DISP1: variants seen among roughly 807,000 people sequenced by gnomAD.
The protein encoded by DISP1 is dispatched RND transporter family member 1.
DISP1 carries 30 observed loss-of-function variants against 37.3 expected under a neutral mutation model. That is an observed-to-expected ratio of 0.80 (90% confidence interval 0.60 to 1.09). DISP1 has a LOEUF of 1.09. Ranked by LOEUF, DISP1 falls within the 50% of genes least tolerant of loss-of-function variation. DISP1 has a pLI of 0.00. For missense variants in DISP1, 1,598 were observed against 1,879.5 expected, an observed-to-expected ratio of 0.85 and a Z score of 2.77; for synonymous variants, 634 against 690.2, an observed-to-expected ratio of 0.92 and a Z score of 1.28.
Position 222,921,390 on chromosome 1 carries a change from A to AT in DISP1, c.-158-7031dup, listed in dbSNP as rs1053610733. On this transcript the variant is annotated intron_variant, in intron 1 of 8. Coordinates refer to ENST00000675850, the MANE Select transcript of DISP1 (RefSeq NM_001377229.1). ...GACTCACTATAAGTGAAAACTCTTT[A>AT]TTTTTTTTTCCTTGTTTAAAAATAT... 7.3e-5 allele frequency among the ~76,000 whole-genome samples: 11 copies of AT among 151,678 alleles called. No homozygotes were observed. The East Asian group carries it at 1.2e-3, about 16-fold the overall frequency.
At position 222,957,453 on chromosome 1, in the gene DISP1, G is replaced by C. The variant is rs866715617; in HGVS notation, c.509+14121G>C. Among the ~76,000 whole-genome samples, 34 of 152,162 alleles carry C rather than the reference G, an allele frequency of 2.2e-4. 1 individual carries two copies. The highest frequency in any genetic ancestry group is 8.2e-4 in the African/African-American group (34 of 41,444). ...AAAATACAAAAATTAGCCAGGCGCA[G>C]TGGTGGACACCTGTAATTCCAGCTA... On this transcript the variant is annotated intron_variant, in intron 3 of 8. Coordinates refer to ENST00000675850, the MANE Select transcript of DISP1 (RefSeq NM_001377229.1).
At chr1:222,946,872 G>A (rs1241443183) in intron 3 of DISP1, among the ~76,000 whole-genome samples, 1 of 152,170 alleles carries the variant, frequency 6.6e-6, no homozygotes, top group Non-Finnish European at 1.5e-5. Context: ...GTGGAAGAGA[G>A]AGTGGTAGCA....
At chr1:222,864,247 A>G (rs1265233043) in intron 1 of DISP1, among the ~76,000 whole-genome samples, 1 of 152,200 alleles carries the variant, frequency 6.6e-6, no homozygotes, top group Admixed American at 6.5e-5. Flanking sequence ...TATCCCAAGT[A>G]TCTTGTTCAA....
At chr1:222,950,599 CAAA>C (rs146782736) in intron 3 of DISP1, among the ~76,000 whole-genome samples, 1 of 137,876 alleles carries the variant, frequency 7.3e-6, no homozygotes, top group Non-Finnish European at 1.6e-5. Context: ...GACTCCGTCT[CAAA>C]AAAAAAAAAC....
At chr1:222,851,758 A>G (rs1668248648) in intron 1 of DISP1, among the ~76,000 whole-genome samples, 2 of 151,592 alleles carry the variant, frequency 1.3e-5, no homozygotes, top group Non-Finnish European at 2.9e-5. Context: ...AGCTCAATTT[A>G]AAACAAGGTA....
intron 2 of DISP1, among the ~76,000 whole-genome samples, chr1:222,934,335 G>A (rs1446086373): frequency 2.0e-5 from 3 of 152,020 alleles, no homozygotes; most frequent in African/African-American, 4.8e-5. Context: ...TGTGAAAAAA[G>A]GGGCTTGACA....
intron 3 of DISP1, among the ~76,000 whole-genome samples, chr1:222,957,501 A>G (rs1226115493): frequency 6.6e-6 from 1 of 152,172 alleles, no homozygotes; most frequent in Non-Finnish European, 1.5e-5. Flanking sequence ...AGGCAGGAGA[A>G]TTGCTTGAAC....
chr1:222,990,132 G>A lies in DISP1; in HGVS notation c.540-493G>A, dbSNP rs1332354021. On this transcript the variant is annotated intron_variant, in intron 4 of 8. Transcript: ENST00000675850. ...TTTGGTTATTTTTAAGATCTGAACT[G>A]TATGAACCTGTTTATAGACTCTCAC... 3.9e-5 allele frequency among the ~76,000 whole-genome samples: 6 copies of A among 152,266 alleles called. 1 individual carries two copies. In the East Asian group the frequency reaches 7.7e-4, roughly 20 times the overall value.
chr1:222,826,589 A>G (rs184312626), intron 1 of DISP1, among the ~76,000 whole-genome samples: 4 of 151,688 alleles, frequency 2.6e-5, no homozygotes, highest in Middle Eastern at 3.4e-3. Context: ...GGGTTCTACT[A>G]TGTTGCCCAG....
chr1:222,914,876 A>G (rs1053890264), intron 1 of DISP1, among the ~76,000 whole-genome samples: 3 of 152,110 alleles, frequency 2.0e-5, no homozygotes, highest in East Asian at 3.8e-4. Context: ...CTGAGGCAGG[A>G]GGATTGGTTG....
At chr1:222,867,390 T>C (rs886121148) in intron 1 of DISP1, among the ~76,000 whole-genome samples, 2 of 152,202 alleles carry the variant, frequency 1.3e-5, no homozygotes, top group African/African-American at 4.8e-5. Flanking sequence ...TGTACATAGG[T>C]AATTATAATG....
intron 1 of DISP1, among the ~76,000 whole-genome samples, chr1:222,819,876 T>TA (rs1220767874): frequency 1.4e-5 from 2 of 146,716 alleles, no homozygotes; most frequent in African/African-American, 5.2e-5. Flanking sequence ...TTAAGGTGTT[T>TA]AAAATTTTTT....
At chr1:222,923,892 T>C (rs1357003061) in intron 1 of DISP1, among the ~76,000 whole-genome samples, 1 of 152,034 alleles carries the variant, frequency 6.6e-6, no homozygotes, top group African/African-American at 2.4e-5. Context: ...GTGAAGTAAA[T>C]AAATGCTGAC....
At chr1:222,891,365 A>T (rs1437104289) in intron 1 of DISP1, among the ~76,000 whole-genome samples, 1 of 152,164 alleles carries the variant, frequency 6.6e-6, no homozygotes, top group African/African-American at 2.4e-5. Context: ...CACCATTTTC[A>T]GGTAGAGATA....
intron 1 of DISP1, among the ~76,000 whole-genome samples, chr1:222,817,286 T>C (rs1661483929): frequency 6.6e-6 from 1 of 152,276 alleles, no homozygotes; most frequent in African/African-American, 2.4e-5. Flanking sequence ...TATTTCTTTT[T>C]ATTTCTGAAA....
chr1:222,853,095 A>G (rs1668362325), intron 1 of DISP1, among the ~76,000 whole-genome samples: 1 of 152,164 alleles, frequency 6.6e-6, no homozygotes, highest in Non-Finnish European at 1.5e-5. Flanking sequence ...GAAAAAAGAG[A>G]GTCTTTCATT....
intron 1 of DISP1, among the ~76,000 whole-genome samples, chr1:222,856,084 G>A (rs926880306): frequency 3.3e-5 from 5 of 152,086 alleles, no homozygotes; most frequent in African/African-American, 4.8e-5. Flanking sequence ...ATTTTTTATC[G>A]AGTTCAAATG....
Position 222,984,435 on chromosome 1 carries a change from T to TATATATATATATATATATAG in DISP1, c.539+1327_539+1328insTATATATATATATATATAGA, listed in dbSNP as rs67660273. ...AAAAAAAAAAAAATATATATATATA[T>TATATATATATATATATATAG]AGAGAGAGAGAGAGAGAGAGAGAGC... On this transcript the variant is annotated intron_variant, in intron 4 of 8. Transcript: ENST00000675850. Among the ~76,000 whole-genome samples the TATATATATATATATATATAG allele has an allele frequency of 8.3e-5, 9 of 108,370 alleles. No homozygotes were observed. In the South Asian group the frequency reaches 9.7e-4, roughly 12 times the overall value. 71.1% of individuals were successfully genotyped at this position (108,370 alleles called of 152,430 possible).
Position 222,991,561 on chromosome 1 carries a change from C to G in DISP1, c.705C>G (p.Val235=). The G allele has an allele frequency of 6.2e-7, 1 of 1,613,730 alleles. No individual in the cohort carries two copies. The highest frequency in any genetic ancestry group is 1.1e-5 in the South Asian group (1 of 91,018). Residue 235 remains valine, a synonymous_variant, in exon 6 of 9, where the codon GTC becomes GTG. Transcript: ENST00000675850. ...GAACAGCAATAGGCCAGAGATTGGT[C>G]ACATGGAATAATATGGTGAAAAATA... ...PRGTAIGQRL[V]TWNNMVKNTG...
Sources: gnomAD v4.1 joint callset for allele counts (sites outside exome capture counted in the v4.1 genomes callset) on GRCh38, gnomAD v4.1.1 for gene constraint, MANE v1.5 for transcripts, NCBI Gene and HGNC (gene_info 2026-07-23, HGNC 2026-07-21) for gene names.